Variants in IFTAP observed in about 807,000 individuals in gnomAD.
IFTAP encodes intraflagellar transport associated protein.
Under a neutral mutation model 19.4 loss-of-function variants are expected in IFTAP, and 19 were observed. That is an observed-to-expected ratio of 0.98 (90% confidence interval 0.68 to 1.44). The LOEUF (loss-of-function observed/expected upper bound fraction) is 1.44, where lower values mean the gene tolerates loss of function less well. Ranked by LOEUF, IFTAP falls within the 40% of genes most tolerant of loss-of-function variation. IFTAP has a pLI of 0.00. For synonymous variants in IFTAP, 85 were observed against 83.5 expected (o/e 1.02, Z -0.10); for missense variants, 240 against 253.6 (o/e 0.95, Z 0.36).
intron 2 of IFTAP, among the ~76,000 whole-genome samples, chr11:36,617,107 A>G (rs920495154): frequency 6.6e-6 from 1 of 150,872 alleles, no homozygotes; most frequent in African/African-American, 2.4e-5. Context: ...TTTTATATTG[A>G]CTATATTTGA....
chr11:36,639,236 G>A (rs1489386067), intron 4 of IFTAP, among the ~76,000 whole-genome samples: 3 of 150,738 alleles, frequency 2.0e-5, no homozygotes, highest in African/African-American at 7.4e-5. Context: ...CTGGTCAAGT[G>A]CAAGTAGCTC....
chr11:36,650,488 T>G (rs949867153), intron 5 of IFTAP, among the ~76,000 whole-genome samples: 1 of 151,848 alleles, frequency 6.6e-6, no homozygotes, highest in African/African-American at 2.4e-5. Flanking sequence ...TATCCATCAC[T>G]TCAAACATTT....
At chr11:36,639,059 T>G (rs910128471) in intron 4 of IFTAP, among the ~76,000 whole-genome samples, 1 of 152,186 alleles carries the variant, frequency 6.6e-6, no homozygotes, top group African/African-American at 2.4e-5. Flanking sequence ...GATAAGGTAG[T>G]TAACCTGGTG....
chr11:36,617,442 T>G (rs1852135639), intron 2 of IFTAP, among the ~76,000 whole-genome samples: 1 of 151,798 alleles, frequency 6.6e-6, no homozygotes, highest in South Asian at 2.1e-4. Flanking sequence ...ACTTTATATA[T>G]AAACTTTTGG....
chr11:36,643,657 C>A (rs1337672251), intron 4 of IFTAP, among the ~76,000 whole-genome samples: 2 of 152,080 alleles, frequency 1.3e-5, no homozygotes, highest in Non-Finnish European at 2.9e-5. Context: ...GAGATATAGA[C>A]CAATGGAAAA....
chr11:36,621,221 TG>T (rs577177997), intron 2 of IFTAP, among the ~76,000 whole-genome samples: 79 of 152,152 alleles, frequency 5.2e-4, no homozygotes, highest in Middle Eastern at 3.4e-3. Context: ...TTGATTCAAT[TG>T]AATGGGCATG....
intron 2 of IFTAP, among the ~76,000 whole-genome samples, chr11:36,622,065 A>G (rs1413862255): frequency 6.7e-6 from 1 of 150,164 alleles, no homozygotes; most frequent in Non-Finnish European, 1.5e-5. Flanking sequence ...TTCTTATTTT[A>G]CTTTAAGCTC....
rs777487393 is a variant in IFTAP, at chr11:36,636,107, A to G, written c.348A>G (p.Gln116=). The part of the protein sequence containing the change: ...DLDMDEEIKP[Q]MSEDLLLLPG... The stretch of plus-strand genomic sequence containing the variant: ...ACATGGATGAAGAGATTAAACCCCA[A>G]ATGAGTGAGGGTATGCTTTCTATTT... The change falls in exon 4 of 6, where the codon CAA becomes CAG. Residue 116 remains glutamine (Q), a synonymous_variant. Coordinates refer to ENST00000334307, the MANE Select transcript of IFTAP (RefSeq NM_138787.4). 3 of 1,607,050 alleles carry G rather than the reference A, an allele frequency of 1.9e-6. No individual in the cohort carries two copies. Among genetic ancestry groups the G allele is most frequent in the Non-Finnish European group, 2.6e-6 (3 of 1,173,820 alleles).
At chr11:36,658,374 T>G (rs1036205364) in intron 5 of IFTAP, among the ~76,000 whole-genome samples, 3 of 152,188 alleles carry the variant, frequency 2.0e-5, no homozygotes, top group Non-Finnish European at 1.5e-5. Flanking sequence ...AACTCACAAA[T>G]TATGAATAGA....
At chr11:36,645,055 T>C (rs957333533) in intron 4 of IFTAP, among the ~76,000 whole-genome samples, 2 of 152,114 alleles carry the variant, frequency 1.3e-5, no homozygotes, top group African/African-American at 4.8e-5. Context: ...TTTTTATCTA[T>C]ATCCTTTTTG....
At chr11:36,613,343 G>A in intron 2 of IFTAP, among the ~76,000 whole-genome samples, 1 of 151,706 alleles carries the variant, frequency 6.6e-6, no homozygotes. Context: ...TTGCTATCAT[G>A]TTTTCTAGGT....
intron 1 of IFTAP, 178 bp downstream of exon 1, chr11:36,594,770 A>G (rs934825981): frequency 1.3e-5 from 2 of 154,144 alleles, no homozygotes; most frequent in Admixed American, 1.3e-4. Flanking sequence ...AGGTGACCCG[A>G]TAGGAAGCAC....
chr11:36,626,963 A>G (rs935195520), intron 2 of IFTAP, among the ~76,000 whole-genome samples: 1 of 151,212 alleles, frequency 6.6e-6, no homozygotes, highest in Non-Finnish European at 1.5e-5. Flanking sequence ...CAACTGGTGA[A>G]TGGAAAAATA....
At chr11:36,635,154 C>G (rs1371478571) in intron 3 of IFTAP, among the ~76,000 whole-genome samples, 2 of 152,086 alleles carry the variant, frequency 1.3e-5, no homozygotes, top group African/African-American at 2.4e-5. Flanking sequence ...AAGACCCAGC[C>G]TGTCTTTTGA....
Position 36,614,697 on chromosome 11 carries a change from T to TCCCG in IFTAP, c.136+4458_136+4459insCCCG, listed in dbSNP as rs1191384970. On this transcript the variant is annotated intron_variant, in intron 2 of 5. Transcript: ENST00000334307. Reference sequence around the variant, plus strand: ...ATGGTGAGCATTTTTTCATGTGTTTTTTGGCTGCATAAATGTCTTCTTTTG... The same window carrying TCCCG: ...ATGGTGAGCATTTTTTCATGTGTTTTCCCGTTGGCTGCATAAATGTCTTCTTTTG... Among the ~76,000 whole-genome samples the TCCCG allele has an allele frequency of 6.1e-4, 90 of 148,402 alleles. 5 individuals carry two copies. Among genetic ancestry groups the TCCCG allele is most frequent in the African/African-American group, 2.2e-3 (85 of 39,270 alleles).
At chr11:36,622,832 T>C (rs1347276679) in intron 2 of IFTAP, among the ~76,000 whole-genome samples, 2 of 152,170 alleles carry the variant, frequency 1.3e-5, no homozygotes, top group Non-Finnish European at 2.9e-5. Flanking sequence ...ACAGTGTTAG[T>C]TGTTTATACC....
chr11:36,631,484 G>A (rs977436273), intron 2 of IFTAP, among the ~76,000 whole-genome samples: 1 of 151,160 alleles, frequency 6.6e-6, no homozygotes, highest in Non-Finnish European at 1.5e-5. Context: ...CCAGTGATAG[G>A]GTATTCAGAA....
intron 4 of IFTAP, among the ~76,000 whole-genome samples, chr11:36,644,737 A>T (rs1423439541): frequency 6.6e-6 from 1 of 151,780 alleles, no homozygotes; most frequent in Non-Finnish European, 1.5e-5. Context: ...TTCTCAGCAA[A>T]CTATCGTAAG....
At chr11:36,625,826 A>G (rs369943145) in intron 2 of IFTAP, among the ~76,000 whole-genome samples, 1 of 152,296 alleles carries the variant, frequency 6.6e-6, no homozygotes, top group South Asian at 2.1e-4. Context: ...GCAATTTTAT[A>G]TAGTATGATC....
Sources: allele counts gnomAD v4.1 joint callset (sites outside exome capture counted in the v4.1 genomes callset), GRCh38; gene constraint gnomAD v4.1.1; transcripts MANE v1.5; gene names NCBI Gene and HGNC (gene_info 2026-07-23, HGNC 2026-07-21).